Variants in ACOXL observed in about 807,000 individuals in gnomAD.
ACOXL encodes the protein acyl-coenzyme A oxidase-like protein.
Under a neutral mutation model 71.9 loss-of-function variants are expected in ACOXL, and 70 were observed. That is an observed-to-expected ratio of 0.97 (90% CI 0.80 to 1.19). The LOEUF (loss-of-function observed/expected upper bound fraction) is 1.19. ACOXL is among the 50% of genes most tolerant of loss of function. ACOXL has a pLI of 0.00. For missense variants in ACOXL, 703 were observed against 736.3 expected (o/e 0.95, Z 0.52); for synonymous variants, 253 against 281.6 (o/e 0.90, Z 1.02).
intron 12 of ACOXL, among the ~76,000 whole-genome samples, chr2:110,954,749 C>T (rs2149421804): frequency 6.6e-6 from 1 of 152,298 alleles, no homozygotes; most frequent in East Asian, 1.9e-4. Context: ...TTTCTTTGCT[C>T]ACAATTCCTT....
chr2:111,095,748 C>G (rs1392808316), intron 17 of ACOXL, among the ~76,000 whole-genome samples: 1 of 152,144 alleles, frequency 6.6e-6, no homozygotes. Context: ...ATTGGATCCT[C>G]TTAACAGCCT....
At chr2:110,888,929 G>T (rs1000692793) in intron 10 of ACOXL, among the ~76,000 whole-genome samples, 1 of 152,212 alleles carries the variant, frequency 6.6e-6, no homozygotes, top group African/African-American at 2.4e-5. Flanking sequence ...AAAATTCATA[G>T]TTAGGAGAGC....
intron 10 of ACOXL, among the ~76,000 whole-genome samples, chr2:110,873,889 C>G (rs980309871): frequency 2.6e-5 from 4 of 152,012 alleles, no homozygotes; most frequent in Non-Finnish European, 4.4e-5. Flanking sequence ...GTCATGCAGC[C>G]CTTCCCTCAC....
At chr2:111,051,600 T>C (rs2066291305) in intron 16 of ACOXL, among the ~76,000 whole-genome samples, 1 of 152,088 alleles carries the variant, frequency 6.6e-6, no homozygotes, top group African/African-American at 2.4e-5. Context: ...TCCCCACTAG[T>C]TGGGAGTACA....
chr2:110,738,043 C>CT (rs1279658754), intron 1 of ACOXL, among the ~76,000 whole-genome samples: 3 of 152,234 alleles, frequency 2.0e-5, no homozygotes, highest in Non-Finnish European at 4.4e-5. Context: ...CCTGAAGAGA[C>CT]TGGGACCTTC....
chr2:110,808,207 C>T (rs908265676), intron 9 of ACOXL, among the ~76,000 whole-genome samples: 1 of 152,136 alleles, frequency 6.6e-6, no homozygotes, highest in Admixed American at 6.5e-5. Context: ...GGAAGCTGGG[C>T]ACCTGAAAGA....
chr2:110,901,641 G>GCC (rs894205387), intron 10 of ACOXL, among the ~76,000 whole-genome samples: 1 of 92,346 alleles, frequency 1.1e-5, no homozygotes, highest in Admixed American at 1.2e-4. Context: ...ATATCTCTAC[G>GCC]CCACACACAC....
chr2:111,052,703 A>G (rs1393456849), intron 16 of ACOXL, among the ~76,000 whole-genome samples: 1 of 152,066 alleles, frequency 6.6e-6, no homozygotes, highest in Non-Finnish European at 1.5e-5. Context: ...CCTATTTGCC[A>G]ATTAATCTCT....
chr2:111,091,171 C>A (rs1005941369), intron 16 of ACOXL, among the ~76,000 whole-genome samples: 2 of 152,168 alleles, frequency 1.3e-5, no homozygotes, highest in Non-Finnish European at 2.9e-5. Flanking sequence ...CCAGCAGCCA[C>A]TCCCTGCCCT....
intron 10 of ACOXL, chr2:110,886,678 C>A: frequency 6.9e-7 from 1 of 1,439,894 alleles, no homozygotes; most frequent in South Asian, 1.3e-5. Flanking sequence ...TGCGTCTGTC[C>A]CTCCCCTATC....
intron 3 of ACOXL, among the ~76,000 whole-genome samples, chr2:110,785,539 T>C (rs545643454): frequency 3.9e-5 from 6 of 152,172 alleles, no homozygotes; most frequent in African/African-American, 1.2e-4. Context: ...CCCTGTCCTT[T>C]GGCAAGCACT....
At chr2:110,850,997 G>A (rs554718062) in intron 10 of ACOXL, among the ~76,000 whole-genome samples, 3 of 152,266 alleles carry the variant, frequency 2.0e-5, no homozygotes, top group African/African-American at 7.2e-5. Context: ...ACATTCTGCT[G>A]AGTGGAAAAA....
At chr2:111,056,390 A>G (rs1051123329) in intron 16 of ACOXL, among the ~76,000 whole-genome samples, 1 of 152,164 alleles carries the variant, frequency 6.6e-6, no homozygotes, top group Non-Finnish European at 1.5e-5. Context: ...AGCTCAGCTC[A>G]AACCAACCCC....
chr2:111,085,104 A>G (rs1003380513), intron 16 of ACOXL, among the ~76,000 whole-genome samples: 4 of 152,352 alleles, frequency 2.6e-5, no homozygotes, highest in South Asian at 2.1e-4. Flanking sequence ...ACCTATGAAG[A>G]GACTTACATT....
At chr2:110,976,545 T>C (rs1195215583) in intron 12 of ACOXL, among the ~76,000 whole-genome samples, 2 of 152,258 alleles carry the variant, frequency 1.3e-5, no homozygotes, top group Admixed American at 1.3e-4. Context: ...CTGAAAAATG[T>C]TACTTGTGGA....
chr2:110,807,440 G>T (rs1183588150), intron 9 of ACOXL, among the ~76,000 whole-genome samples: 1 of 152,204 alleles, frequency 6.6e-6, no homozygotes, highest in Non-Finnish European at 1.5e-5. Flanking sequence ...AGGAAAGGAA[G>T]ACATGGGCAT....
intron 16 of ACOXL, among the ~76,000 whole-genome samples, chr2:111,089,773 T>C (rs1384920112): frequency 6.6e-6 from 1 of 152,218 alleles, no homozygotes; most frequent in Non-Finnish European, 1.5e-5. Flanking sequence ...ATACTAACTA[T>C]AAAAGCACAT....
chr2:110,870,184 A>G (rs1695101494), intron 10 of ACOXL, among the ~76,000 whole-genome samples: 1 of 152,272 alleles, frequency 6.6e-6, no homozygotes, highest in African/African-American at 2.4e-5. Flanking sequence ...AGGTGCTTCA[A>G]GGGTTCAGCA....
intron 11 of ACOXL, among the ~76,000 whole-genome samples, chr2:110,915,350 ATGTGTG>A (rs3059185): frequency 7.7e-4 from 87 of 113,626 alleles, no homozygotes; most frequent in African/African-American, 1.1e-3. Context: ...ATATATATAT[ATGTGTG>A]TGTGTGTGTG....
Sources: gnomAD v4.1 joint callset for allele counts (sites outside exome capture counted in the v4.1 genomes callset) on GRCh38, gnomAD v4.1.1 for gene constraint, MANE v1.5 for transcripts, NCBI Gene and HGNC (gene_info 2026-07-23, HGNC 2026-07-21) for gene names.